Variants in ERC2 observed in about 807,000 individuals in gnomAD.
ERC2 encodes ERC protein 2.
Under a neutral mutation model 114.8 loss-of-function variants are expected in ERC2, and 42 were observed. The ratio of observed to expected loss-of-function variants is 0.37; its 90% CI spans 0.29 to 0.47. The LOEUF (loss-of-function observed/expected upper bound fraction) is 0.47, where lower values mean the gene tolerates loss of function less well. ERC2 is among the 20% of genes least tolerant of loss of function. ERC2 has a pLI of 0.99. For synonymous variants in ERC2, 454 were observed against 425.5 expected, an observed-to-expected ratio of 1.07 and a Z score of -0.82; for missense variants, 939 against 1,150.7, an observed-to-expected ratio of 0.82 and a Z score of 2.66.
intron 3 of ERC2, among the ~76,000 whole-genome samples, chr3:56,228,463 T>C (rs553198086): frequency 6.6e-6 from 1 of 152,368 alleles, no homozygotes; most frequent in South Asian, 2.1e-4. Context: ...TCATACAGTA[T>C]TTGCCTTTGT....
At chr3:55,906,099 C>T (rs940413387) in intron 13 of ERC2, among the ~76,000 whole-genome samples, 3 of 152,176 alleles carry the variant, frequency 2.0e-5, no homozygotes, top group African/African-American at 7.2e-5. Context: ...TGGCACATGG[C>T]TGACACTTAG....
chr3:55,564,743 C>T (rs907939588), intron 17 of ERC2, among the ~76,000 whole-genome samples: 1 of 152,218 alleles, frequency 6.6e-6, no homozygotes, highest in Non-Finnish European at 1.5e-5. Context: ...AAAGACCCTC[C>T]CTCTTTGACC....
At chr3:55,943,420 A>C (rs2066929801) in intron 13 of ERC2, among the ~76,000 whole-genome samples, 3 of 152,032 alleles carry the variant, frequency 2.0e-5, no homozygotes, top group African/African-American at 7.3e-5. Flanking sequence ...TGGCTTTTGA[A>C]GCATGATTCT....
At chr3:56,236,902 G>A (rs2050984892) in intron 3 of ERC2, among the ~76,000 whole-genome samples, 2 of 152,144 alleles carry the variant, frequency 1.3e-5, no homozygotes, top group Non-Finnish European at 2.9e-5. Context: ...TACGTAACAA[G>A]TGTTGAATGA....
intron 17 of ERC2, among the ~76,000 whole-genome samples, chr3:55,578,061 C>A (rs930826400): frequency 1.3e-5 from 2 of 152,136 alleles, no homozygotes; most frequent in Non-Finnish European, 2.9e-5. Context: ...CAGGATATGG[C>A]GAATTCTGTA....
Position 56,307,816 on chromosome 3 carries a change from A to G in ERC2, c.658-11381T>C, listed in dbSNP as rs148446065. Among the ~76,000 whole-genome samples the G allele has an allele frequency of 4.1e-3, 543 of 134,012 alleles. 7 individuals are homozygous for G. The highest frequency in any genetic ancestry group is 0.015 in the African/African-American group (523 of 35,616). The allele number at this position is 134,012 out of a possible 152,430, so 87.9% of individuals were successfully genotyped here. A position where few individuals can be genotyped will look rare whatever the true frequency, so the allele number is the denominator to read the frequency against. On this transcript the variant is annotated intron_variant, in intron 2 of 17. Coordinates refer to ENST00000288221, the MANE Select transcript of ERC2 (RefSeq NM_015576.3). ...TGTATCATATAATCATGTATTCACTATACACACACTTGCACACACACACAC... is the reference window on the plus strand; with the variant it reads ...TGTATCATATAATCATGTATTCACTGTACACACACTTGCACACACACACAC...
At chr3:56,085,319 T>C (rs992996504) in intron 6 of ERC2, among the ~76,000 whole-genome samples, 4 of 151,796 alleles carry the variant, frequency 2.6e-5, no homozygotes, top group Non-Finnish European at 4.4e-5. Context: ...AGCTGGGAGG[T>C]CCCCGTAGGG....
intron 17 of ERC2, among the ~76,000 whole-genome samples, chr3:55,650,868 G>A (rs2060590987): frequency 6.7e-6 from 1 of 148,474 alleles, no homozygotes; most frequent in Non-Finnish European, 1.5e-5. Flanking sequence ...TTTTTTAGAT[G>A]GAGTCTCTGG....
chr3:55,573,378 G>A (rs2056820787), intron 17 of ERC2, among the ~76,000 whole-genome samples: 1 of 152,154 alleles, frequency 6.6e-6, no homozygotes, highest in Admixed American at 6.5e-5. Context: ...ATAAATGTTA[G>A]CCAGCCATTT....
chr3:55,762,137 A>C (rs1447939076), intron 14 of ERC2, among the ~76,000 whole-genome samples: 1 of 152,166 alleles, frequency 6.6e-6, no homozygotes, highest in African/African-American at 2.4e-5. Flanking sequence ...TCTTTATAGC[A>C]GTGTGAAAAC....
At chr3:56,244,274 T>G (rs2051525383) in intron 3 of ERC2, among the ~76,000 whole-genome samples, 3 of 152,018 alleles carry the variant, frequency 2.0e-5, no homozygotes. Flanking sequence ...TGTATAAGAG[T>G]ATAACACATG....
chr3:56,274,638 G>A (rs1040423251), intron 3 of ERC2, among the ~76,000 whole-genome samples: 1 of 152,192 alleles, frequency 6.6e-6, no homozygotes, highest in African/African-American at 2.4e-5. Context: ...TGTTTGTGTG[G>A]GTGTGTGATT....
At chr3:55,960,161 T>C (rs865886307) in intron 12 of ERC2, among the ~76,000 whole-genome samples, 39 of 152,300 alleles carry the variant, frequency 2.6e-4, no homozygotes, top group South Asian at 4.1e-4. Flanking sequence ...ACAGCAAGAT[T>C]GGGTGTTTCA....
intron 6 of ERC2, among the ~76,000 whole-genome samples, chr3:56,099,478 A>G (rs1478828792): frequency 6.6e-6 from 1 of 152,170 alleles, no homozygotes; most frequent in East Asian, 1.9e-4. Context: ...AGGGAGTGAT[A>G]CGTAAACCAA....
intron 3 of ERC2, among the ~76,000 whole-genome samples, chr3:56,249,854 T>TC (rs1464287428): frequency 1.2e-5 from 1 of 81,544 alleles, no homozygotes; most frequent in Non-Finnish European, 2.4e-5. Context: ...GCATCAAATT[T>TC]CTTTTTTTTT....
intron 2 of ERC2, among the ~76,000 whole-genome samples, chr3:56,314,410 T>C (rs2056767640): frequency 6.6e-6 from 1 of 151,316 alleles, no homozygotes; most frequent in Non-Finnish European, 1.5e-5. Context: ...CAGGAAGCCA[T>C]CATTTTCAAG....
chr3:55,550,541 G>A (rs2055094165), intron 17 of ERC2, among the ~76,000 whole-genome samples: 1 of 152,150 alleles, frequency 6.6e-6, no homozygotes, highest in Non-Finnish European at 1.5e-5. Flanking sequence ...ATTATGAATT[G>A]TTATTCATAA....
intron 15 of ERC2, among the ~76,000 whole-genome samples, chr3:55,722,044 G>T (rs1241828767): frequency 6.6e-6 from 1 of 152,124 alleles, no homozygotes; most frequent in African/African-American, 2.4e-5. Context: ...ATTCTTGTGG[G>T]TTTTCACTGT....
rs186416995 is a variant in ERC2 at position 56,127,064 on chromosome 3, T to A, written c.1473+12445A>T. ...TGTAAAAAAGAAATCAAGAAAACAA[T>A]CCCATTTACAATAGCTGTAAAAAAA... On this transcript the variant is annotated intron_variant, in intron 6 of 17. Coordinates refer to ENST00000288221, the MANE Select transcript of ERC2 (RefSeq NM_015576.3). Among the ~76,000 whole-genome samples, 36 of 151,608 alleles carry A rather than the reference T, an allele frequency of 2.4e-4. 1 individual carries two copies. Among genetic ancestry groups the A allele is most frequent in the African/African-American group, 8.2e-4 (34 of 41,330 alleles).
Sources: gnomAD v4.1 joint callset for allele counts (sites outside exome capture counted in the v4.1 genomes callset) on GRCh38, gnomAD v4.1.1 for gene constraint, MANE v1.5 for transcripts, NCBI Gene and HGNC (gene_info 2026-07-23, HGNC 2026-07-21) for gene names.